The following EIF3A variants were observed in gnomAD, a reference collection of about 807,000 sequenced individuals.
EIF3A encodes the protein EIF3, p180 subunit.
In EIF3A, 21 loss-of-function variants were observed where a neutral mutation model predicts 186.6. The observed-to-expected ratio is 0.11, with a 90% CI of 0.08 to 0.16. EIF3A has a LOEUF of 0.16. Ranked by LOEUF, EIF3A falls within the 10% of genes least tolerant of loss-of-function variation. The pLI, the probability that EIF3A is intolerant of heterozygous loss-of-function variation, is 1.00. For synonymous variants in EIF3A, 563 were observed against 584.3 expected (o/e 0.96, Z 0.52); for missense variants, 1,306 against 1,796.3 (o/e 0.73, Z 4.93).
intron 17 of EIF3A, among the ~76,000 whole-genome samples, chr10:119,048,583 G>T (rs1848313979): frequency 6.6e-6 from 1 of 152,114 alleles, no homozygotes; most frequent in African/African-American, 2.4e-5. Context: ...CTAACAAGTT[G>T]ACAGGTGCTG....
chr10:119,080,603 C>T lies in EIF3A; in HGVS notation c.49+25G>A, dbSNP rs1191928272. The T allele has an allele frequency of 3.2e-6, 5 of 1,569,980 alleles. No homozygotes were observed. In the South Asian group the frequency reaches 4.7e-5, roughly 15 times the overall value. On this transcript the variant is annotated intron_variant, in intron 1 of 21. Transcript: ENST00000369144. ...TCGGAGGCCTCGGGCCGCCCCAGCC[C>T]GGCGCGCCCCGATCAGCTACTCACC... is the stretch of plus-strand genomic sequence containing the variant.
chr10:119,048,454 T>C (rs1188126297), intron 17 of EIF3A, among the ~76,000 whole-genome samples: 3 of 152,300 alleles, frequency 2.0e-5, no homozygotes, highest in East Asian at 1.9e-4. Flanking sequence ...CAGGTCCGTT[T>C]TGAACCTGAG....
chr10:119,060,891 A>T (rs776226054), intron 8 of EIF3A, 47 bp from the exon 9 acceptor site: 1 of 1,292,226 alleles, frequency 7.7e-7, no homozygotes, highest in East Asian at 2.4e-5. Context: ...TCTACATAAG[A>T]GATACTAAAA....
intron 11 of EIF3A, among the ~76,000 whole-genome samples, chr10:119,058,798 G>T (rs1384561904): frequency 6.6e-6 from 1 of 152,168 alleles, no homozygotes; most frequent in Non-Finnish European, 1.5e-5. Flanking sequence ...CACAAGAATT[G>T]CTTGAACCCA....
rs138627360 is a variant in EIF3A, at chr10:119,051,296, T to G, written c.2222A>C (p.Glu741Ala). 6 of 1,605,198 alleles carry G rather than the reference T, an allele frequency of 3.7e-6. No homozygotes were observed. Among genetic ancestry groups the G allele is most frequent in the East Asian group, 4.5e-5 (2 of 44,384 alleles). The stretch of plus-strand genomic sequence containing the variant: ...TCGATTCTTATGTTCAAGAGCCTTT[T>G]CACGTTCTAGCTGCATTGTAGTAAT... ...ERITTMQLER[E>A]KALEHKNRMS... The change falls in exon 15 of 22, where the codon GAA becomes GCA. Residue 741 changes from glutamate to alanine, a missense_variant. Glu to Ala is a moderately radical substitution (Grantham distance 107). Coordinates refer to ENST00000369144, the MANE Select transcript of EIF3A (RefSeq NM_003750.4).
intron 1 of EIF3A, among the ~76,000 whole-genome samples, chr10:119,077,039 A>G (rs144723900): frequency 6.6e-6 from 1 of 152,290 alleles, no homozygotes; most frequent in African/African-American, 2.4e-5. Context: ...AATGCGTTTA[A>G]TGGAATTTAT....
rs1370840535 is a variant in EIF3A, at chr10:119,073,446, A to G, written c.372T>C (p.Pro124=). The G allele has an allele frequency of 3.1e-6, 5 of 1,604,110 alleles. No homozygotes were observed. The Admixed American group carries it at 6.8e-5, about 22-fold the overall frequency. Residue 124 remains proline, a synonymous_variant, in exon 3 of 22, where the codon CCT becomes CCC. Transcript: ENST00000369144. The part of the protein sequence containing the change: ...DIEDLDNIQT[P]ESVLLSAVSG... ...TAGAGGTCTAACCCACATACCTCTC[A>G]GGAGTTTGAATATTATCTAGATCCT...
intron 17 of EIF3A, among the ~76,000 whole-genome samples, chr10:119,045,940 C>G (rs779349538): frequency 6.6e-6 from 1 of 152,010 alleles, no homozygotes; most frequent in African/African-American, 2.4e-5. Context: ...GAACCTGGTA[C>G]AAACAAACAA....
intron 15 of EIF3A, 109 bp from the exon 16 acceptor site, chr10:119,050,783 C>A: frequency 8.5e-7 from 1 of 1,175,666 alleles, no homozygotes. Context: ...TCAGAATCAT[C>A]GAAAGCAACC....
chr10:119,048,436 T>C lies in EIF3A; in HGVS notation c.2658+1365A>G, dbSNP rs528163942. Among the ~76,000 whole-genome samples the C allele has an allele frequency of 4.6e-5, 7 of 152,204 alleles. No homozygotes were observed. In the East Asian group the frequency reaches 1.4e-3, roughly 29 times the overall value. ...GGGAATTCCAGACACAAGACAGAGA[T>C]GGGAACACAGGTCCGTTTTGAACCT... On this transcript the variant is annotated intron_variant, in intron 17 of 21. Transcript: ENST00000369144.
At chr10:119,075,569 G>A (rs1589697647) in intron 1 of EIF3A, among the ~76,000 whole-genome samples, 2 of 104,138 alleles carry the variant, frequency 1.9e-5, no homozygotes, top group African/African-American at 3.6e-5. Context: ...ACTTCCCAAT[G>A]AACATTTAAA....
intron 1 of EIF3A, among the ~76,000 whole-genome samples, chr10:119,074,222 T>C (rs756144398): frequency 1.1e-4 from 16 of 152,182 alleles, no homozygotes; most frequent in Non-Finnish European, 1.9e-4. Flanking sequence ...TCCTAGCAAT[T>C]TGAGAGGCCG....
Position 119,070,209 on chromosome 10 carries a change from C to T in EIF3A, c.742-555G>A, listed in dbSNP as rs140078193. On this transcript the variant is annotated intron_variant, in intron 5 of 21. Transcript: ENST00000369144. ...TATTGTCCGTCAAATATACAAAAGA[C>T]TTCAAGGTCACATGACTACAAAATT... Among the ~76,000 whole-genome samples, 331 of 152,272 alleles carry T rather than the reference C, an allele frequency of 2.2e-3. 2 individuals are homozygous for T. The highest frequency in any genetic ancestry group is 7.6e-3 in the African/African-American group (315 of 41,544).
chr10:119,039,626 C>T (rs576011555), intron 19 of EIF3A, among the ~76,000 whole-genome samples: 9 of 151,986 alleles, frequency 5.9e-5, no homozygotes, highest in East Asian at 5.8e-4. Context: ...TCTGAGATCA[C>T]GCCACTGCAC....
In EIF3A at chr10:119,042,424, A is replaced by G; in HGVS notation, c.3096T>C (p.Ala1032=). 6.2e-7 allele frequency: 1 copy of G among 1,613,386 alleles called. No homozygotes were observed. Among genetic ancestry groups the G allele is most frequent in the Non-Finnish European group, 8.5e-7 (1 of 1,179,818 alleles). ...LDEDRGSWRT[A]DEDRGPRRGM... is the part of the protein sequence containing the mutation. ...CACGTCTTGGTCCTCTGTCCTCATCAGCTGTTCGCCAGCTTCCTCTGTCCT... is the reference window on the plus strand; with the variant it reads ...CACGTCTTGGTCCTCTGTCCTCATCGGCTGTTCGCCAGCTTCCTCTGTCCT... The change falls in exon 19 of 22, where the codon GCT becomes GCC. Residue 1032 remains alanine, a synonymous_variant. Transcript: ENST00000369144. The surrounding 1 kb of genome is among the most constrained non-coding windows in gnomAD (Gnocchi z 7.8).
At chr10:119,063,313 T>A (rs944015075) in intron 7 of EIF3A, among the ~76,000 whole-genome samples, 1 of 152,158 alleles carries the variant, frequency 6.6e-6, no homozygotes, top group Non-Finnish European at 1.5e-5. Flanking sequence ...CAGGAACTCT[T>A]TGCAAAAGTT....
rs1007428807 is a variant in EIF3A, at chr10:119,077,805, G to A, written c.49+2823C>T. 1.2e-4 allele frequency among the ~76,000 whole-genome samples: 18 copies of A among 151,976 alleles called. 1 individual carries two copies. Among genetic ancestry groups the A allele is most frequent in the African/African-American group, 3.6e-4 (15 of 41,386 alleles). On this transcript the variant is annotated intron_variant, in intron 1 of 21. Transcript: ENST00000369144. Reference sequence around the variant, plus strand: ...CCTGACCTTGTGATCCACCCGCTTCGGCCTCCCAAAGTGCTGGGATTACAG... The same window carrying A: ...CCTGACCTTGTGATCCACCCGCTTCAGCCTCCCAAAGTGCTGGGATTACAG...
At chr10:119,066,772 A>G (rs920940026) in intron 6 of EIF3A, among the ~76,000 whole-genome samples, 45 of 152,280 alleles carry the variant, frequency 3.0e-4, no homozygotes, top group African/African-American at 1.1e-3. Flanking sequence ...GACCGTAGGC[A>G]AGATACTTAA....
chr10:119,065,193 G>A (rs755010934), intron 7 of EIF3A, among the ~76,000 whole-genome samples: 2 of 152,098 alleles, frequency 1.3e-5, no homozygotes, highest in Non-Finnish European at 2.9e-5. Flanking sequence ...AGTCCTGCTA[G>A]ATCAAAACTC....
Sources: allele counts gnomAD v4.1 joint callset (sites outside exome capture counted in the v4.1 genomes callset), GRCh38; gene constraint gnomAD v4.1.1; non-coding constraint Gnocchi (gnomAD v3.1); transcripts MANE v1.5; gene names NCBI Gene and HGNC (gene_info 2026-07-23, HGNC 2026-07-21).